Variants in SLC24A2 observed in about 807,000 individuals in gnomAD.
The protein encoded by SLC24A2 is sodium/potassium/calcium exchanger 2.
A neutral mutation model predicts 62.0 loss-of-function variants in SLC24A2; 36 were observed. The observed-to-expected ratio is 0.58, with a 90% confidence interval of 0.44 to 0.77. The LOEUF (loss-of-function observed/expected upper bound fraction) is 0.77, where lower values mean the gene tolerates loss of function less well. SLC24A2 is among the 30% of genes least tolerant of loss of function. The pLI is 0.00. For synonymous variants in SLC24A2, 358 were observed against 294.0 expected (o/e 1.22, Z -2.23); for missense variants, 846 against 817.9 (o/e 1.03, Z -0.42).
At chr9:19,951,561 AT>A in the SLC24A2 span, among the ~76,000 whole-genome samples, 121,452 of 150,928 alleles carry the variant, frequency 0.8, 49,425 homozygotes, top group Non-Finnish European at 0.88. Context: ...GTCAAGATTT[AT>A]TTTTTTTTTC....
rs557239852 is a variant in SLC24A2, at chr9:19,603,968, T to C, written c.1079-6689A>G. Among the ~76,000 whole-genome samples the C allele has an allele frequency of 2.6e-5, 4 of 152,366 alleles. No homozygotes were observed. The South Asian group carries it at 8.3e-4, about 32-fold the overall frequency. ...TGTTCCAACTATACACTTTTGTTGT[T>C]GTGCTCATCTTATCAAATGTACCTT... On this transcript the variant is annotated intron_variant, in intron 4 of 10. Transcript: ENST00000341998.
At chr9:20,142,436 A>C in the SLC24A2 span, among the ~76,000 whole-genome samples, 1 of 152,040 alleles carries the variant, frequency 6.6e-6, no homozygotes, top group South Asian at 2.1e-4. Flanking sequence ...CCAGACTGCA[A>C]GGTCACTTAA....
At chr9:20,113,085 G>GA in the SLC24A2 span, among the ~76,000 whole-genome samples, 3 of 151,964 alleles carry the variant, frequency 2.0e-5, no homozygotes, top group Admixed American at 2.0e-4. Context: ...AGAGTTTTGG[G>GA]GCATAGAACC....
At chr9:19,665,917 C>A (rs1292734500) in intron 2 of SLC24A2, among the ~76,000 whole-genome samples, 1 of 152,096 alleles carries the variant, frequency 6.6e-6, no homozygotes, top group Non-Finnish European at 1.5e-5. Context: ...CCTCGGCCTT[C>A]CAAAGTGCTG....
chr9:19,723,834 T>C (rs1464659686), intron 2 of SLC24A2, among the ~76,000 whole-genome samples: 1 of 152,092 alleles, frequency 6.6e-6, no homozygotes, highest in African/African-American at 2.4e-5. Flanking sequence ...TTCAGGACAG[T>C]AGTTAACAAA....
the SLC24A2 span, among the ~76,000 whole-genome samples, chr9:20,184,061 A>T: frequency 2.0e-5 from 3 of 152,210 alleles, no homozygotes; most frequent in Non-Finnish European, 4.4e-5. Context: ...AACTCAAACT[A>T]CTCAATGATA....
At chr9:19,816,719 C>A in the SLC24A2 span, among the ~76,000 whole-genome samples, 1 of 151,944 alleles carries the variant, frequency 6.6e-6, no homozygotes, top group Non-Finnish European at 1.5e-5. Flanking sequence ...GGAGCAGGAG[C>A]AAGAGAGGGC....
At chr9:20,211,400 T>A in the SLC24A2 span, among the ~76,000 whole-genome samples, 1 of 152,022 alleles carries the variant, frequency 6.6e-6, no homozygotes, top group Non-Finnish European at 1.5e-5. Flanking sequence ...TAATCCCAGC[T>A]ACTAGGGCGG....
the SLC24A2 span, among the ~76,000 whole-genome samples, chr9:20,297,986 T>G: frequency 6.6e-6 from 1 of 152,176 alleles, no homozygotes; most frequent in Admixed American, 6.5e-5. Context: ...TTGCCTTGCA[T>G]GCTCCCACTC....
chr9:19,969,480 C>A, the SLC24A2 span, among the ~76,000 whole-genome samples: 1 of 152,188 alleles, frequency 6.6e-6, no homozygotes, highest in Admixed American at 6.6e-5. Context: ...ATATGAAAGT[C>A]CATGCTCCCT....
the SLC24A2 span, among the ~76,000 whole-genome samples, chr9:20,021,781 G>C: frequency 6.6e-6 from 1 of 151,716 alleles, no homozygotes; most frequent in Admixed American, 6.6e-5. Context: ...TTTACATCTA[G>C]TATTTTCAGT....
rs201954756 is a variant in SLC24A2, at chr9:19,680,605, C to T, written c.931-58306G>A. ...ATGAGAAATGCAGATAGTTCTATAA[C>T]ATATATATATATATATTCATAGCTA... is the stretch of plus-strand genomic sequence containing the variant. On this transcript the variant is annotated intron_variant, in intron 2 of 10. Transcript: ENST00000341998. Among the ~76,000 whole-genome samples, 11 of 147,684 alleles carry T rather than the reference C, an allele frequency of 7.4e-5. No homozygotes were observed. In the East Asian group the frequency reaches 2.2e-3, roughly 30 times the overall value.
At chr9:20,168,581 G>A in the SLC24A2 span, among the ~76,000 whole-genome samples, 1 of 151,972 alleles carries the variant, frequency 6.6e-6, no homozygotes, top group East Asian at 1.9e-4. Context: ...TATATAAATA[G>A]CCAACAAGAA....
At chr9:19,842,446 T>C in the SLC24A2 span, among the ~76,000 whole-genome samples, 3 of 152,294 alleles carry the variant, frequency 2.0e-5, no homozygotes, top group Admixed American at 6.5e-5. Flanking sequence ...CAGGAAACGA[T>C]TTATGCTTTG....
In SLC24A2 at chr9:19,579,769, A is replaced by G. The variant is rs541664022; in HGVS notation, c.1130-2747T>C. On this transcript the variant is annotated intron_variant, in intron 5 of 10. Coordinates refer to ENST00000341998, the MANE Select transcript of SLC24A2 (RefSeq NM_020344.4). ...TATTGGATAGAAACAAGCTAATGAC[A>G]TATCACTTGTGGTTATAAGAATCTT... Among the ~76,000 whole-genome samples, 293 of 152,306 alleles carry G rather than the reference A, an allele frequency of 1.9e-3. 1 individual carries two copies. Among genetic ancestry groups the G allele is most frequent in the African/African-American group, 6.8e-3 (281 of 41,568 alleles).
At chr9:19,818,528 C>T in the SLC24A2 span, among the ~76,000 whole-genome samples, 2 of 152,106 alleles carry the variant, frequency 1.3e-5, no homozygotes, top group Non-Finnish European at 2.9e-5. Context: ...GATTAATGTA[C>T]ACAAATCAGT....
At chr9:19,565,724 G>C (rs10757074) in intron 7 of SLC24A2, among the ~76,000 whole-genome samples, 131,800 of 152,132 alleles carry the variant, frequency 0.87, 57,688 homozygotes, top group East Asian at 1. Context: ...ATACTACAAG[G>C]CTACAGTAAC....
At chr9:19,734,498 T>C (rs1414168947) in intron 2 of SLC24A2, among the ~76,000 whole-genome samples, 8 of 152,228 alleles carry the variant, frequency 5.3e-5, no homozygotes, top group Non-Finnish European at 7.3e-5. Flanking sequence ...TTTCACAATA[T>C]TGATTCTTCC....
chr9:20,213,331 A>G, the SLC24A2 span, among the ~76,000 whole-genome samples: 152 of 152,012 alleles, frequency 1.0e-3, 7 homozygotes, highest in African/African-American at 3.7e-3. Context: ...AAGTCAAATT[A>G]CATCAGACAA....
Sources: allele counts gnomAD v4.1 joint callset (sites outside exome capture counted in the v4.1 genomes callset), GRCh38; gene constraint gnomAD v4.1.1; transcripts MANE v1.5; gene names NCBI Gene and HGNC (gene_info 2026-07-23, HGNC 2026-07-21).